SLC41A2: variants seen among roughly 807,000 people sequenced by gnomAD.
SLC41A2 encodes solute carrier family 41 member 2.
SLC41A2 carries 32 observed loss-of-function variants against 58.3 expected under a neutral mutation model. The observed-to-expected ratio is 0.55, with a 90% CI of 0.41 to 0.74. The LOEUF is 0.74. SLC41A2 is among the 30% of genes least tolerant of loss of function. The probability of loss-of-function intolerance (pLI) is 0.00; values close to 1 mark genes in which losing one functional copy is unlikely to be tolerated. For synonymous variants in SLC41A2, 190 were observed against 235.0 expected, an observed-to-expected ratio of 0.81 and a Z score of 1.75; for missense variants, 514 against 680.6, an observed-to-expected ratio of 0.76 and a Z score of 2.72.
intron 1 of SLC41A2, among the ~76,000 whole-genome samples, chr12:104,940,704 G>C (rs1314086662): frequency 6.6e-6 from 1 of 151,428 alleles, no homozygotes; most frequent in Non-Finnish European, 1.5e-5. Flanking sequence ...GATCACCTGA[G>C]GTCAGGAGTT....
chr12:104,938,553 G>C lies in SLC41A2; in HGVS notation c.-167-9859C>G, dbSNP rs561142478. On this transcript the variant is annotated intron_variant, in intron 1 of 10. Coordinates refer to ENST00000258538, the MANE Select transcript of SLC41A2 (RefSeq NM_001352171.3). ...AACACTTACAAACAGAAACAATTCA[G>C]CTATGTCTCTTTGCTCCCTCTGTCA... is the stretch of plus-strand genomic sequence containing the variant. Among the ~76,000 whole-genome samples, 18 of 152,320 alleles carry C rather than the reference G, an allele frequency of 1.2e-4. No homozygotes were observed. In the East Asian group the frequency reaches 3.3e-3, roughly 28 times the overall value.
chr12:104,908,126 ATGGTGG>A (rs927473071), intron 3 of SLC41A2, among the ~76,000 whole-genome samples: 15 of 152,046 alleles, frequency 9.9e-5, no homozygotes, highest in African/African-American at 1.4e-4. Context: ...TTAACTGGGC[ATGGTGG>A]TGCATGACTG....
intron 1 of SLC41A2, among the ~76,000 whole-genome samples, chr12:104,948,651 A>G (rs2047826591): frequency 6.6e-6 from 1 of 152,222 alleles, no homozygotes; most frequent in African/African-American, 2.4e-5. Flanking sequence ...CTAACCAGTT[A>G]ATGATAAGGA....
chr12:104,832,432 A>G (rs1054387908), intron 10 of SLC41A2, among the ~76,000 whole-genome samples: 2 of 152,210 alleles, frequency 1.3e-5, no homozygotes, highest in African/African-American at 2.4e-5. Flanking sequence ...TGGGAAAACA[A>G]TAACTAGTGG....
chr12:104,930,642 T>C (rs1038581316), intron 1 of SLC41A2, among the ~76,000 whole-genome samples: 8 of 152,134 alleles, frequency 5.3e-5, no homozygotes, highest in Non-Finnish European at 1.2e-4. Flanking sequence ...AAAATGGAAA[T>C]GCAGAGAAAT....
At chr12:104,875,034 T>C (rs2043979935) in intron 6 of SLC41A2, among the ~76,000 whole-genome samples, 1 of 152,208 alleles carries the variant, frequency 6.6e-6, no homozygotes, top group South Asian at 2.1e-4. Context: ...TCATTTTTAT[T>C]GTAGAGATAT....
chr12:104,879,780 C>A (rs551452120), intron 6 of SLC41A2, among the ~76,000 whole-genome samples: 2 of 152,232 alleles, frequency 1.3e-5, no homozygotes, highest in Non-Finnish European at 2.9e-5. Flanking sequence ...GCAATGTGGG[C>A]TCTTTTTCGG....
At chr12:104,943,662 G>A (rs1438190904) in intron 1 of SLC41A2, among the ~76,000 whole-genome samples, 1 of 152,162 alleles carries the variant, frequency 6.6e-6, no homozygotes, top group Non-Finnish European at 1.5e-5. Flanking sequence ...AGCAGTTAGA[G>A]CGGTCATCGG....
intron 10 of SLC41A2, among the ~76,000 whole-genome samples, chr12:104,808,489 T>C (rs1260769814): frequency 6.6e-6 from 1 of 152,246 alleles, no homozygotes; most frequent in Non-Finnish European, 1.5e-5. Context: ...CTGAGGATTT[T>C]TGCATCGATG....
chr12:104,938,113 A>T (rs572147417), intron 1 of SLC41A2, among the ~76,000 whole-genome samples: 22 of 152,232 alleles, frequency 1.4e-4, no homozygotes, highest in Admixed American at 2.6e-4. Flanking sequence ...TAGCAAAAAA[A>T]AAAATGGAAT....
intron 10 of SLC41A2, among the ~76,000 whole-genome samples, chr12:104,811,291 C>A (rs1270433565): frequency 6.6e-6 from 1 of 152,098 alleles, no homozygotes; most frequent in East Asian, 1.9e-4. Flanking sequence ...CACAGAATGG[C>A]TAAATTCACT....
intron 10 of SLC41A2, among the ~76,000 whole-genome samples, chr12:104,812,589 A>ACTAT (rs1262489125): frequency 6.6e-6 from 1 of 152,124 alleles, no homozygotes; most frequent in African/African-American, 2.4e-5. Context: ...TTTCTTTGGA[A>ACTAT]CTATCTAGAA....
chr12:104,943,492 G>A (rs59581650), intron 1 of SLC41A2, among the ~76,000 whole-genome samples: 2 of 152,110 alleles, frequency 1.3e-5, no homozygotes, highest in Non-Finnish European at 2.9e-5. Flanking sequence ...AGCTACAAAT[G>A]GTTCTTCAAA....
chr12:104,836,434 G>C (rs2042210518), intron 10 of SLC41A2, among the ~76,000 whole-genome samples: 1 of 152,124 alleles, frequency 6.6e-6, no homozygotes, highest in African/African-American at 2.4e-5. Context: ...TCCAAGAGGG[G>C]AACTGTTAGA....
intron 2 of SLC41A2, among the ~76,000 whole-genome samples, chr12:104,924,828 T>C (rs1166749141): frequency 6.6e-6 from 1 of 152,108 alleles, no homozygotes; most frequent in Non-Finnish European, 1.5e-5. Flanking sequence ...AGTATATTCA[T>C]ATAATGGATT....
rs903005441 is a variant in SLC41A2, at chr12:104,802,936, G to A, written c.*2216C>T. 20 of 152,026 alleles carry A rather than the reference G, an allele frequency of 1.3e-4. No individual in the cohort carries two copies. Among genetic ancestry groups the A allele is most frequent in the African/African-American group, 4.3e-4 (18 of 41,392 alleles). 9.4% of individuals were successfully genotyped at this position (152,026 alleles called of 1,614,324 possible). Reference sequence around the variant, plus strand: ...CTGGATGTTAGGGACTTCACAATTTGGTCATTTTGCAGCTGTACAACCTTA... The same window carrying A: ...CTGGATGTTAGGGACTTCACAATTTAGTCATTTTGCAGCTGTACAACCTTA... On this transcript the variant is annotated 3_prime_UTR_variant, in exon 11 of 11. Transcript: ENST00000258538.
At chr12:104,811,584 T>C (rs1046545438) in intron 10 of SLC41A2, among the ~76,000 whole-genome samples, 2 of 152,334 alleles carry the variant, frequency 1.3e-5, no homozygotes, top group South Asian at 4.1e-4. Flanking sequence ...CAACCATATA[T>C]ATGATGCATT....
At chr12:104,899,101 G>A (rs111290898) in intron 3 of SLC41A2, among the ~76,000 whole-genome samples, 11 of 152,180 alleles carry the variant, frequency 7.2e-5, no homozygotes, top group Admixed American at 2.6e-4. Flanking sequence ...CTCTTCACTC[G>A]AGAACTTCCA....
chr12:104,941,771 A>C (rs1219418674), intron 1 of SLC41A2, among the ~76,000 whole-genome samples: 6 of 152,268 alleles, frequency 3.9e-5, no homozygotes, highest in Non-Finnish European at 7.3e-5. Flanking sequence ...TGTGGGGCTT[A>C]AAACCTAGAT....
Sources: allele counts gnomAD v4.1 joint callset (sites outside exome capture counted in the v4.1 genomes callset), GRCh38; gene constraint gnomAD v4.1.1; transcripts MANE v1.5; gene names NCBI Gene and HGNC (gene_info 2026-07-23, HGNC 2026-07-21).